NRXN1: variants seen among roughly 807,000 people sequenced by gnomAD.
NRXN1 encodes the protein neurexin 1, also known as neurexin-1.
In NRXN1, 39 loss-of-function variants were observed where a neutral mutation model predicts 150.9. The observed-to-expected ratio is 0.26, with a 90% CI of 0.20 to 0.34. The LOEUF (loss-of-function observed/expected upper bound fraction) is 0.34, where lower values mean the gene tolerates loss of function less well. NRXN1 is among the 10% of genes least tolerant of loss of function. The pLI is 1.00. For synonymous variants in NRXN1, 924 were observed against 757.0 expected, an observed-to-expected ratio of 1.22 and a Z score of -3.62; for missense variants, 1,815 against 1,949.9, an observed-to-expected ratio of 0.93 and a Z score of 1.30.
chr2:50,828,512 C>G (rs1264982999), intron 5 of NRXN1, among the ~76,000 whole-genome samples: 12 of 147,898 alleles, frequency 8.1e-5, no homozygotes, highest in African/African-American at 2.8e-4. Context: ...CCTTCTCAGA[C>G]GGGGCGGCTG....
chr2:49,982,250 G>C (rs1341562230), intron 21 of NRXN1, among the ~76,000 whole-genome samples: 1 of 152,104 alleles, frequency 6.6e-6, no homozygotes, highest in Non-Finnish European at 1.5e-5. Context: ...TCATGAAACA[G>C]GTTCGATTCA....
intron 15 of NRXN1, among the ~76,000 whole-genome samples, chr2:50,472,986 G>T (rs185064877): frequency 1.3e-5 from 2 of 151,814 alleles, no homozygotes. Context: ...CAGTCAACAG[G>T]CATTATTATT....
intron 2 of NRXN1, among the ~76,000 whole-genome samples, chr2:50,934,531 C>T (rs929050417): frequency 1.4e-4 from 21 of 152,144 alleles, no homozygotes; most frequent in Non-Finnish European, 1.3e-4. Flanking sequence ...CCATGTTCCA[C>T]ATGCTCAATA....
At chr2:50,508,427 C>A (rs1036091430) in intron 12 of NRXN1, among the ~76,000 whole-genome samples, 24 of 139,360 alleles carry the variant, frequency 1.7e-4, no homozygotes, top group Admixed American at 1.0e-3. Context: ...AAAAAAAAAA[C>A]TCTTTCTAAA....
intron 17 of NRXN1, among the ~76,000 whole-genome samples, chr2:50,462,566 AT>A (rs2088342106): frequency 6.6e-6 from 1 of 151,850 alleles, no homozygotes; most frequent in South Asian, 2.1e-4. Context: ...AGTATATGAC[AT>A]TACCCTGTAC....
At chr2:50,763,085 C>G (rs1701990778) in intron 5 of NRXN1, among the ~76,000 whole-genome samples, 1 of 151,828 alleles carries the variant, frequency 6.6e-6, no homozygotes, top group East Asian at 1.9e-4. Flanking sequence ...TTTTTAGGAG[C>G]CTCCCTTCAT....
At chr2:50,467,413 G>A (rs1474861878) in intron 16 of NRXN1, among the ~76,000 whole-genome samples, 2 of 151,584 alleles carry the variant, frequency 1.3e-5, no homozygotes, top group Non-Finnish European at 3.0e-5. Context: ...CTAATTAGAT[G>A]CTATTAATGT....
intron 3 of NRXN1, chr2:50,923,562 G>A: frequency 5.4e-6 from 1 of 183,764 alleles, no homozygotes. Flanking sequence ...CTACTAACAT[G>A]CTTTCAAAAA....
At chr2:50,903,564 C>A (rs758832228) in intron 5 of NRXN1, among the ~76,000 whole-genome samples, 23 of 151,942 alleles carry the variant, frequency 1.5e-4, no homozygotes, top group Non-Finnish European at 2.9e-4. Flanking sequence ...TATCATAGCC[C>A]CACCCCCACA....
chr2:49,936,202 T>G (rs1211927375), intron 22 of NRXN1, among the ~76,000 whole-genome samples: 1 of 152,230 alleles, frequency 6.6e-6, no homozygotes, highest in Non-Finnish European at 1.5e-5. Flanking sequence ...CAAACTCACT[T>G]ATATGCTAAG....
chr2:50,101,539 A>C (rs937736281), intron 18 of NRXN1, among the ~76,000 whole-genome samples: 1 of 152,050 alleles, frequency 6.6e-6, no homozygotes, highest in Non-Finnish European at 1.5e-5. Flanking sequence ...ACAAATAGAC[A>C]GAACATCCTT....
intron 17 of NRXN1, among the ~76,000 whole-genome samples, chr2:50,282,531 G>A (rs761768943): frequency 1.3e-5 from 2 of 152,126 alleles, no homozygotes; most frequent in Non-Finnish European, 1.5e-5. Flanking sequence ...GACCAACAGT[G>A]AAACTTGAAT....
chr2:50,440,365 C>A (rs56759452), intron 17 of NRXN1, among the ~76,000 whole-genome samples: 1 of 151,952 alleles, frequency 6.6e-6, no homozygotes, highest in Admixed American at 6.6e-5. Flanking sequence ...TCAAACCTGA[C>A]GGATCTAGTT....
At position 50,107,539 on chromosome 2, in the gene NRXN1, AT is replaced by A. The variant is rs1230095218; in HGVS notation, c.3547-16046del. Reference sequence around the variant, plus strand: ...AGACTACATATATATATATATATATATTTTTTTTTTTTACCCAAGTACTACA... The same window carrying A: ...AGACTACATATATATATATATATATATTTTTTTTTTTACCCAAGTACTACA... On this transcript the variant is annotated intron_variant, in intron 18 of 22. Coordinates refer to ENST00000401669, the MANE Select transcript of NRXN1 (RefSeq NM_001330078.2). 4.5e-4 allele frequency among the ~76,000 whole-genome samples: 58 copies of A among 129,874 alleles called. 2 individuals are homozygous for A. Among genetic ancestry groups the A allele is most frequent in the Admixed American group, 1.2e-3 (15 of 12,280 alleles). 85.2% of individuals were successfully genotyped at this position (129,874 alleles called of 152,430 possible). A position where few individuals can be genotyped will look rare whatever the true frequency, so the allele number is the denominator to read the frequency against.
At chr2:50,144,206 T>G (rs1056805037) in intron 18 of NRXN1, among the ~76,000 whole-genome samples, 2 of 151,886 alleles carry the variant, frequency 1.3e-5, no homozygotes, top group African/African-American at 4.8e-5. Context: ...TTTCTGCTCT[T>G]TCTAATTCGG....
intron 17 of NRXN1, among the ~76,000 whole-genome samples, chr2:50,388,369 C>T (rs190601918): frequency 5.3e-4 from 81 of 152,158 alleles, no homozygotes; most frequent in African/African-American, 1.8e-3. Context: ...ATCTCTTTGA[C>T]GATCTTCTAG....
intron 17 of NRXN1, among the ~76,000 whole-genome samples, chr2:50,256,882 G>T (rs976944199): frequency 1.6e-4 from 25 of 152,102 alleles, no homozygotes; most frequent in African/African-American, 6.0e-4. Flanking sequence ...TTCAGACTTC[G>T]AGATGGAAGC....
chr2:50,665,114 CACAAATG>C (rs1687834951), intron 5 of NRXN1, among the ~76,000 whole-genome samples: 2 of 151,852 alleles, frequency 1.3e-5, no homozygotes, highest in Non-Finnish European at 2.9e-5. Context: ...CCTCAGTATG[CACAAATG>C]AAAAAGAGAT....
intron 5 of NRXN1, among the ~76,000 whole-genome samples, chr2:50,831,940 T>C (rs576092704): frequency 1.3e-5 from 2 of 152,256 alleles, no homozygotes; most frequent in South Asian, 4.1e-4. Context: ...TGAGTAGCAG[T>C]GGCGGGCAAG....
Sources: allele counts gnomAD v4.1 joint callset (sites outside exome capture counted in the v4.1 genomes callset), GRCh38; gene constraint gnomAD v4.1.1; transcripts MANE v1.5; gene names NCBI Gene and HGNC (gene_info 2026-07-23, HGNC 2026-07-21).